The following GALM variants were observed in gnomAD, a reference collection of about 807,000 sequenced individuals.
GALM encodes aldose 1-epimerase.
GALM carries 43 observed loss-of-function variants against 37.4 expected under a neutral mutation model. That is an observed-to-expected ratio of 1.15 (90% CI 0.90 to 1.48). GALM has a LOEUF of 1.48. Ranked by LOEUF, GALM falls within the 40% of genes most tolerant of loss-of-function variation. The pLI is 0.00. For missense variants in GALM, 456 were observed against 419.1 expected, an observed-to-expected ratio of 1.09 and a Z score of -0.77; for synonymous variants, 199 against 170.6, an observed-to-expected ratio of 1.17 and a Z score of -1.30.
intron 4 of GALM, among the ~76,000 whole-genome samples, chr2:38,715,978 G>T (rs1462367227): frequency 1.3e-5 from 2 of 152,184 alleles, no homozygotes; most frequent in East Asian, 3.8e-4. Flanking sequence ...AGCAAAGAAA[G>T]CCAGCCTTTA....
At chr2:38,680,357 A>C (rs1166504960) in intron 2 of GALM, among the ~76,000 whole-genome samples, 1 of 152,116 alleles carries the variant, frequency 6.6e-6, no homozygotes, top group African/African-American at 2.4e-5. Context: ...TCTTCTTCAT[A>C]CTTTTTTTTG....
intron 4 of GALM, among the ~76,000 whole-genome samples, chr2:38,711,375 G>T (rs1050307670): frequency 1.3e-5 from 2 of 151,778 alleles, no homozygotes; most frequent in African/African-American, 4.8e-5. Flanking sequence ...TGGTCACGCT[G>T]GTCTCGAACT....
chr2:38,686,252 C>CTT (rs1204229181), intron 3 of GALM, among the ~76,000 whole-genome samples: 1 of 123,996 alleles, frequency 8.1e-6, no homozygotes, highest in Non-Finnish European at 1.6e-5. Context: ...TTCTTTCTTT[C>CTT]TTTCTTTCTT....
At chr2:38,674,850 A>G (rs913657853) in intron 1 of GALM, among the ~76,000 whole-genome samples, 2 of 152,132 alleles carry the variant, frequency 1.3e-5, no homozygotes, top group South Asian at 4.1e-4. Flanking sequence ...TGGATTGAAA[A>G]TAGGTGCATA....
At chr2:38,676,931 C>T (rs988945794) in intron 2 of GALM, among the ~76,000 whole-genome samples, 2 of 152,226 alleles carry the variant, frequency 1.3e-5, no homozygotes, top group African/African-American at 4.8e-5. Context: ...ATTAAGCCCC[C>T]CGCCCCATGC....
Position 38,727,524 on chromosome 2 carries a change from C to T in GALM, c.635-2032C>T, listed in dbSNP as rs546615669. 6.6e-5 allele frequency among the ~76,000 whole-genome samples: 10 copies of T among 151,610 alleles called. No homozygotes were observed. The South Asian group carries it at 1.5e-3, about 22-fold the overall frequency. On this transcript the variant is annotated intron_variant, in intron 4 of 6. Coordinates refer to ENST00000272252, the MANE Select transcript of GALM (RefSeq NM_138801.3). Reference sequence around the variant, plus strand: ...CAGGTGGTTCACGAGGTCAGGAGTTCGAGACCACTCTGGCCAATATGGTGA... The same window carrying T: ...CAGGTGGTTCACGAGGTCAGGAGTTTGAGACCACTCTGGCCAATATGGTGA...
chr2:38,666,882 C>A (rs1459147765), intron 1 of GALM, among the ~76,000 whole-genome samples: 2 of 152,108 alleles, frequency 1.3e-5, no homozygotes, highest in Admixed American at 1.3e-4. Context: ...CATTTAGGAA[C>A]AAAATAGAGA....
At chr2:38,681,925 C>A (rs139060008) in intron 3 of GALM, among the ~76,000 whole-genome samples, 1 of 152,366 alleles carries the variant, frequency 6.6e-6, no homozygotes, top group East Asian at 1.9e-4. Flanking sequence ...CCTGCCAGCT[C>A]CTCCCAGGGG....
At position 38,666,293 on chromosome 2, in the gene GALM, G is replaced by A. The variant is rs765644881; in HGVS notation, c.132G>A (p.Glu44=). 4.3e-6 allele frequency: 7 copies of A among 1,613,880 alleles called. No individual in the cohort carries two copies. In the African/African-American group the frequency reaches 6.7e-5, roughly 15 times the overall value. ...GGGGCTGCACGATCACAGCCCTAGA[G>A]GTCAAAGACAGGCAGGGGAGAGCCT... ...ISWGCTITAL[E]VKDRQGRASD... The change falls in exon 1 of 7, where the codon GAG becomes GAA. Residue 44 remains glutamate, a synonymous_variant. Transcript: ENST00000272252.
At chr2:38,719,425 C>T (rs1262359730) in intron 4 of GALM, among the ~76,000 whole-genome samples, 3 of 148,782 alleles carry the variant, frequency 2.0e-5, no homozygotes, top group South Asian at 4.4e-4. Flanking sequence ...GCCGAGATCA[C>T]GCCACTGCAC....
intron 3 of GALM, among the ~76,000 whole-genome samples, chr2:38,689,299 CA>C (rs1474623215): frequency 6.6e-6 from 1 of 152,160 alleles, no homozygotes; most frequent in Non-Finnish European, 1.5e-5. Context: ...GGCAAATTCT[CA>C]AAAGCAGGGA....
intron 3 of GALM, among the ~76,000 whole-genome samples, chr2:38,683,837 G>C (rs555375160): frequency 2.0e-4 from 30 of 152,280 alleles, no homozygotes; most frequent in African/African-American, 6.5e-4. Context: ...AAAGTGCTAG[G>C]ATTACAGGCG....
intron 4 of GALM, among the ~76,000 whole-genome samples, chr2:38,721,873 C>G (rs945688341): frequency 6.6e-6 from 1 of 152,130 alleles, no homozygotes; most frequent in Non-Finnish European, 1.5e-5. Flanking sequence ...CTCAGCTGCT[C>G]ACTTCTTTGA....
intron 4 of GALM, among the ~76,000 whole-genome samples, chr2:38,723,867 C>T (rs1171399039): frequency 1.3e-5 from 2 of 152,110 alleles, no homozygotes; most frequent in Non-Finnish European, 2.9e-5. Context: ...TCTTTGTTTT[C>T]CAGACATGCT....
At chr2:38,696,197 G>A (rs1665800990) in intron 4 of GALM, among the ~76,000 whole-genome samples, 1 of 150,958 alleles carries the variant, frequency 6.6e-6, no homozygotes, top group South Asian at 2.1e-4. Context: ...TCAGCTCACT[G>A]CAACCTCCAC....
chr2:38,725,857 A>G (rs1421778459), intron 4 of GALM, among the ~76,000 whole-genome samples: 1 of 151,954 alleles, frequency 6.6e-6, no homozygotes, highest in Admixed American at 6.6e-5. Flanking sequence ...TATTACAGGT[A>G]TGCGCCACCA....
At chr2:38,689,351 G>C (rs1665616220) in intron 3 of GALM, among the ~76,000 whole-genome samples, 1 of 152,200 alleles carries the variant, frequency 6.6e-6, no homozygotes, top group Non-Finnish European at 1.5e-5. Flanking sequence ...GGAGCAGAGA[G>C]TGGGGCCTCT....
At chr2:38,675,539 TTTTTTGTGTGTGTGTGTGTGTGTG>T (rs1426502933) in intron 1 of GALM, among the ~76,000 whole-genome samples, 2 of 83,420 alleles carry the variant, frequency 2.4e-5, no homozygotes, top group African/African-American at 5.6e-5. Context: ...TTTTTTTTTT[TTTTTTGTGTGTGTGTGTGTGTGTG>T]TGTGTGTGTG....
intron 4 of GALM, among the ~76,000 whole-genome samples, chr2:38,709,702 C>T (rs1666111485): frequency 6.6e-6 from 1 of 152,174 alleles, no homozygotes. Flanking sequence ...TGTTACCTTA[C>T]CAAAAAATTC....
Sources: allele counts gnomAD v4.1 joint callset (sites outside exome capture counted in the v4.1 genomes callset), GRCh38; gene constraint gnomAD v4.1.1; transcripts MANE v1.5; gene names NCBI Gene and HGNC (gene_info 2026-07-23, HGNC 2026-07-21).